The following SLX4IP variants were observed in gnomAD, a reference collection of about 807,000 sequenced individuals.
The protein encoded by SLX4IP is protein SLX4IP.
In SLX4IP, 34 loss-of-function variants were observed where a neutral mutation model predicts 32.9. The observed-to-expected ratio is 1.03, with a 90% CI of 0.79 to 1.38. The LOEUF is 1.38. Among genes scored for constraint, SLX4IP ranks in the 40% most tolerant of loss-of-function variants. SLX4IP has a pLI of 0.00. For missense variants in SLX4IP, 444 were observed against 479.0 expected (o/e 0.93, Z 0.68); for synonymous variants, 172 against 171.7 (o/e 1.00, Z -0.01).
intron 2 of SLX4IP, among the ~76,000 whole-genome samples, chr20:10,544,882 G>T (rs1312567754): frequency 2.0e-5 from 3 of 152,076 alleles, no homozygotes; most frequent in South Asian, 2.1e-4. Flanking sequence ...CTCAAAAAAA[G>T]TTCCTGTATT....
intron 4 of SLX4IP, among the ~76,000 whole-genome samples, chr20:10,591,864 G>A (rs2066713292): frequency 1.3e-5 from 2 of 152,136 alleles, no homozygotes; most frequent in Admixed American, 1.3e-4. Context: ...TCTAATTTTT[G>A]TCTGCTCTGA....
In SLX4IP at chr20:10,598,720, G is replaced by A. The variant is rs960436345; in HGVS notation, c.284G>A (p.Arg95His). The change falls in exon 5 of 8, where the codon CGC becomes CAC. Residue 95 changes from arginine (R) to histidine (H), a missense_variant. Arg to His is a conservative substitution (Grantham distance 29). Transcript: ENST00000334534. The part of the protein sequence containing the change: ...ITAYFLKRGI[R>H]LRCIRSTQNA... The stretch of plus-strand genomic sequence containing the variant: ...GCCTATTTCCTCAAGAGAGGGATAC[G>A]CCTTCGCTGCATCAGGAGCACACAG... 32 of 1,613,990 alleles carry A rather than the reference G, an allele frequency of 2.0e-5. No individual in the cohort carries two copies. Among genetic ancestry groups the A allele is most frequent in the Admixed American group, 3.3e-5 (2 of 59,990 alleles).
intron 6 of SLX4IP, among the ~76,000 whole-genome samples, chr20:10,615,306 A>G (rs1329356892): frequency 1.3e-5 from 2 of 152,218 alleles, no homozygotes; most frequent in Non-Finnish European, 2.9e-5. Flanking sequence ...ACCAGTCAGC[A>G]GTGTTCCATA....
intron 2 of SLX4IP, among the ~76,000 whole-genome samples, chr20:10,533,617 C>CTTT (rs35385148): frequency 6.3e-5 from 6 of 95,610 alleles, no homozygotes; most frequent in African/African-American, 2.6e-4. Flanking sequence ...CATTCTTGGC[C>CTTT]TTTTTTTTTT....
In SLX4IP at chr20:10,473,591, G is replaced by A. The variant is rs530213396; in HGVS notation, c.27+15360G>A. Among the ~76,000 whole-genome samples, 10 of 134,932 alleles carry A rather than the reference G, an allele frequency of 7.4e-5. No individual in the cohort carries two copies. The South Asian group carries it at 2.4e-3, about 33-fold the overall frequency. The allele number at this position is 134,932 out of a possible 152,430, so 88.5% of individuals were successfully genotyped here. A position where few individuals can be genotyped will look rare whatever the true frequency, so the allele number is the denominator to read the frequency against. ...TTATTCTGCAATTCTTCTTAAAACT[G>A]CCAGAGTTCTGTTTCTTTTTTTTTT... On this transcript the variant is annotated intron_variant, in intron 2 of 7. Transcript: ENST00000334534.
intron 1 of SLX4IP, among the ~76,000 whole-genome samples, chr20:10,439,209 G>GT: frequency 6.6e-6 from 1 of 151,820 alleles, no homozygotes; most frequent in South Asian, 2.1e-4. Context: ...AATTAAAAAC[G>GT]TTTTTTTCTT....
Position 10,493,127 on chromosome 20 carries a change from C to T in SLX4IP, c.27+34896C>T, listed in dbSNP as rs193108372. ...TGGTATGTCTTTTCATCTAGCAGAA[C>T]AAATCTTTCTACTTTTTTCTTTTTC... On this transcript the variant is annotated intron_variant, in intron 2 of 7. Coordinates refer to ENST00000334534, the MANE Select transcript of SLX4IP (RefSeq NM_001009608.3). Among the ~76,000 whole-genome samples the T allele has an allele frequency of 2.0e-5, 3 of 152,222 alleles. No individual in the cohort carries two copies. The East Asian group carries it at 5.8e-4, about 29-fold the overall frequency.
At chr20:10,459,049 G>A (rs1014163305) in intron 2 of SLX4IP, among the ~76,000 whole-genome samples, 2 of 152,042 alleles carry the variant, frequency 1.3e-5, no homozygotes, top group African/African-American at 2.4e-5. Flanking sequence ...TTTAATAATC[G>A]CCATTCTCAC....
chr20:10,541,944 T>C (rs112590887), intron 2 of SLX4IP, among the ~76,000 whole-genome samples: 4,383 of 152,306 alleles, frequency 0.029, 110 homozygotes, highest in Admixed American at 0.09. Context: ...CTAAAGCCCA[T>C]GCTTTGCATG....
intron 4 of SLX4IP, among the ~76,000 whole-genome samples, chr20:10,574,487 A>G (rs891494118): frequency 1.3e-5 from 2 of 152,104 alleles, no homozygotes; most frequent in African/African-American, 4.8e-5. Context: ...TTCTGCTTCA[A>G]ATTACAATGC....
At chr20:10,574,092 T>A (rs887641362) in intron 4 of SLX4IP, among the ~76,000 whole-genome samples, 12 of 152,230 alleles carry the variant, frequency 7.9e-5, no homozygotes, top group Admixed American at 7.9e-4. Flanking sequence ...AACCACTTAT[T>A]ACAGTAAATG....
intron 4 of SLX4IP, among the ~76,000 whole-genome samples, chr20:10,597,501 T>A (rs117357760): frequency 0.012 from 1,868 of 152,354 alleles, 18 homozygotes; most frequent in Non-Finnish European, 0.02. Context: ...CGAATGATAG[T>A]GTCTCCATTT....
At chr20:10,452,064 C>T (rs1312248477) in intron 1 of SLX4IP, among the ~76,000 whole-genome samples, 1 of 152,178 alleles carries the variant, frequency 6.6e-6, no homozygotes, top group Non-Finnish European at 1.5e-5. Context: ...CTTAAAATTA[C>T]ATTTGTGGCT....
At chr20:10,609,947 G>A (rs980560579) in intron 6 of SLX4IP, among the ~76,000 whole-genome samples, 4 of 151,888 alleles carry the variant, frequency 2.6e-5, no homozygotes, top group Non-Finnish European at 5.9e-5. Flanking sequence ...AAAAAAATGT[G>A]TATTTTTATG....
intron 1 of SLX4IP, among the ~76,000 whole-genome samples, chr20:10,447,866 ATTT>A (rs35397723): frequency 1.1e-4 from 13 of 119,488 alleles, no homozygotes; most frequent in African/African-American, 6.5e-5. Flanking sequence ...CACCTGGCTG[ATTT>A]TTTTTTTTTT....
At chr20:10,566,893 C>A (rs2066400847) in intron 4 of SLX4IP, among the ~76,000 whole-genome samples, 1 of 152,142 alleles carries the variant, frequency 6.6e-6, no homozygotes, top group African/African-American at 2.4e-5. Context: ...CAGGGCACAT[C>A]CAAATCCAGA....
At chr20:10,480,132 G>A (rs2065509176) in intron 2 of SLX4IP, among the ~76,000 whole-genome samples, 1 of 152,298 alleles carries the variant, frequency 6.6e-6, no homozygotes, top group African/African-American at 2.4e-5. Flanking sequence ...GGTGGCTCAC[G>A]CCTGTAATCC....
At chr20:10,558,140 G>A (rs1397854593) in intron 3 of SLX4IP, among the ~76,000 whole-genome samples, 1 of 152,108 alleles carries the variant, frequency 6.6e-6, no homozygotes, top group Admixed American at 6.5e-5. Flanking sequence ...AGGAGTTCAA[G>A]ACCAGCCTGG....
chr20:10,437,297 G>T (rs770499984), intron 1 of SLX4IP, among the ~76,000 whole-genome samples: 8 of 152,044 alleles, frequency 5.3e-5, no homozygotes, highest in South Asian at 2.1e-4. Flanking sequence ...GCTGCCTTCT[G>T]TCTTTCTTTA....
Sources: allele counts gnomAD v4.1 joint callset (sites outside exome capture counted in the v4.1 genomes callset), GRCh38; gene constraint gnomAD v4.1.1; transcripts MANE v1.5; gene names NCBI Gene and HGNC (gene_info 2026-07-23, HGNC 2026-07-21).